Variants in CREB3L2 observed in about 807,000 individuals in gnomAD.
CREB3L2 encodes cyclic AMP-responsive element-binding protein 3-like protein 2.
Under a neutral mutation model 57.2 loss-of-function variants are expected in CREB3L2, and 23 were observed. The observed-to-expected ratio is 0.40, with a 90% confidence interval of 0.29 to 0.57. CREB3L2 has a LOEUF of 0.57. Ranked by LOEUF, CREB3L2 falls within the 20% of genes least tolerant of loss-of-function variation. CREB3L2 has a pLI of 0.42. For synonymous variants in CREB3L2, 268 were observed against 265.1 expected (o/e 1.01, Z -0.11); for missense variants, 628 against 634.7 (o/e 0.99, Z 0.11).
At position 137,915,840 on chromosome 7, in the gene CREB3L2, A is replaced by G; in HGVS notation, c.492T>C (p.Thr164=). The G allele has an allele frequency of 2.5e-6, 4 of 1,613,720 alleles. No homozygotes were observed. Among genetic ancestry groups the G allele is most frequent in the Non-Finnish European group, 3.4e-6 (4 of 1,179,784 alleles). The change falls in exon 3 of 12, where the codon ACT becomes ACC. Residue 164 remains threonine, a synonymous_variant. Coordinates refer to ENST00000330387, the MANE Select transcript of CREB3L2 (RefSeq NM_194071.4). ...EKEEPPLEMN[T]GVDSSCQTII... ...AACAGACGAAAATTGAGCATACCCC[A>G]GTGTTCATTTCCAGAGGAGGTTCCT...
At chr7:137,963,127 G>A (rs1801353581) in intron 1 of CREB3L2, among the ~76,000 whole-genome samples, 1 of 152,166 alleles carries the variant, frequency 6.6e-6, no homozygotes, top group Non-Finnish European at 1.5e-5. Flanking sequence ...TGCAACGCCT[G>A]GAAAGTCTAG....
intron 1 of CREB3L2, among the ~76,000 whole-genome samples, chr7:137,987,517 A>T (rs1585678868): frequency 6.6e-6 from 1 of 152,368 alleles, no homozygotes; most frequent in East Asian, 1.9e-4. Context: ...TTAAGTTTAA[A>T]TCAAAAGCTG....
rs139819092 is a variant in CREB3L2 at position 137,979,728 on chromosome 7, A to AAACAAC, written c.102+21870_102+21875dup. On this transcript the variant is annotated intron_variant, in intron 1 of 11. Transcript: ENST00000330387. Reference sequence around the variant, plus strand: ...GCAACAGATCGAGACTCCGTCTCAAAAACAACAACAACAACAACAACAACA... The same window carrying AAACAAC: ...GCAACAGATCGAGACTCCGTCTCAAAAACAACAACAACAACAACAACAACAACAACA... Among the ~76,000 whole-genome samples, 14 of 150,492 alleles carry AAACAAC rather than the reference A, an allele frequency of 9.3e-5. 1 individual carries two copies. The highest frequency in any genetic ancestry group is 6.9e-3 in the Middle Eastern group (2 of 290).
intron 1 of CREB3L2, among the ~76,000 whole-genome samples, chr7:137,958,618 T>A (rs1801262741): frequency 6.6e-6 from 1 of 152,268 alleles, no homozygotes; most frequent in Non-Finnish European, 1.5e-5. Context: ...AGGAACTCAC[T>A]TATCTGCTTG....
intron 8 of CREB3L2, among the ~76,000 whole-genome samples, chr7:137,896,958 T>C (rs1799639311): frequency 6.6e-6 from 1 of 152,208 alleles, no homozygotes; most frequent in Non-Finnish European, 1.5e-5. Context: ...CACTGGGCAC[T>C]GGAAGTGGGA....
chr7:137,940,403 G>C lies in CREB3L2; in HGVS notation c.103-12037C>G, dbSNP rs184736610. On this transcript the variant is annotated intron_variant, in intron 1 of 11. Coordinates refer to ENST00000330387, the MANE Select transcript of CREB3L2 (RefSeq NM_194071.4). ...TGCCATTCATTCCAGAAAAATTTTGGATTACAGCAGGCTCCAAATCACAGA... is the reference window on the plus strand; with the variant it reads ...TGCCATTCATTCCAGAAAAATTTTGCATTACAGCAGGCTCCAAATCACAGA... Among the ~76,000 whole-genome samples, 709 of 152,264 alleles carry C rather than the reference G, an allele frequency of 4.7e-3. 3 individuals are homozygous for C. The highest frequency in any genetic ancestry group is 0.012 in the South Asian group (60 of 4,820).
At chr7:137,982,195 A>G (rs1222884005) in intron 1 of CREB3L2, among the ~76,000 whole-genome samples, 1 of 152,226 alleles carries the variant, frequency 6.6e-6, no homozygotes, top group Non-Finnish European at 1.5e-5. Flanking sequence ...TGCACTGCAC[A>G]TACAATGCCC....
chr7:137,944,345 A>G (rs559325895), intron 1 of CREB3L2, among the ~76,000 whole-genome samples: 18 of 152,326 alleles, frequency 1.2e-4, no homozygotes, highest in African/African-American at 4.3e-4. Flanking sequence ...AATTGTGCCA[A>G]TGCTAATATT....
intron 8 of CREB3L2, among the ~76,000 whole-genome samples, chr7:137,896,299 T>C (rs1318839998): frequency 2.6e-5 from 4 of 152,208 alleles, no homozygotes; most frequent in Non-Finnish European, 5.9e-5. Flanking sequence ...TAAAAGCTAC[T>C]GGTTTTGTTT....
intron 2 of CREB3L2, among the ~76,000 whole-genome samples, chr7:137,919,333 G>A (rs2117224909): frequency 6.6e-6 from 1 of 152,138 alleles, no homozygotes; most frequent in African/African-American, 2.4e-5. Flanking sequence ...CACCAAACCT[G>A]GCTAAGTTTT....
At chr7:137,922,710 C>T in intron 2 of CREB3L2, 1 of 435,452 alleles carries the variant, frequency 2.3e-6, no homozygotes, top group South Asian at 1.6e-5. Flanking sequence ...TCATAGGATG[C>T]AAAACCCAAG....
intron 1 of CREB3L2, among the ~76,000 whole-genome samples, chr7:137,967,874 C>G (rs975322573): frequency 6.6e-6 from 1 of 152,214 alleles, no homozygotes; most frequent in African/African-American, 2.4e-5. Flanking sequence ...CCTGGGACAC[C>G]ATGTAAATAC....
chr7:137,931,439 G>A (rs1800632826), intron 1 of CREB3L2, among the ~76,000 whole-genome samples: 1 of 149,246 alleles, frequency 6.7e-6, no homozygotes, highest in South Asian at 2.1e-4. Context: ...GCAGAATGGG[G>A]TGAACCCAGG....
At chr7:137,944,890 T>G (rs1465591057) in intron 1 of CREB3L2, among the ~76,000 whole-genome samples, 1 of 147,920 alleles carries the variant, frequency 6.8e-6, no homozygotes, top group South Asian at 2.1e-4. Context: ...TTTATTTTAT[T>G]TTTTATTTTT....
At chr7:137,975,949 C>T (rs1801600330) in intron 1 of CREB3L2, among the ~76,000 whole-genome samples, 1 of 152,230 alleles carries the variant, frequency 6.6e-6, no homozygotes, top group Non-Finnish European at 1.5e-5. Flanking sequence ...GGGAAAGACA[C>T]TGAGTGGGAG....
intron 1 of CREB3L2, among the ~76,000 whole-genome samples, chr7:137,978,173 G>C: frequency 6.6e-6 from 1 of 152,048 alleles, no homozygotes; most frequent in East Asian, 1.9e-4. Context: ...GGAGCACAAG[G>C]AGCCCAAAAA....
intron 6 of CREB3L2, 144 bp downstream of exon 6, chr7:137,905,558 C>T: frequency 2.3e-6 from 2 of 881,922 alleles, no homozygotes; most frequent in Non-Finnish European, 3.7e-6. Flanking sequence ...GGGTGCTCCT[C>T]CCAGGGCTTA....
At chr7:137,908,021 G>C (rs1321899774) in intron 5 of CREB3L2, among the ~76,000 whole-genome samples, 1 of 152,214 alleles carries the variant, frequency 6.6e-6, no homozygotes, top group South Asian at 2.1e-4. Context: ...ATAAAAACTG[G>C]AAGTGTGCAT....
intron 1 of CREB3L2, among the ~76,000 whole-genome samples, chr7:137,959,665 C>T (rs1477800843): frequency 1.3e-5 from 2 of 152,214 alleles, no homozygotes; most frequent in Non-Finnish European, 2.9e-5. Flanking sequence ...AGACATTCAA[C>T]TCTGTGAAGA....
Sources: allele counts gnomAD v4.1 joint callset (sites outside exome capture counted in the v4.1 genomes callset), GRCh38; gene constraint gnomAD v4.1.1; transcripts MANE v1.5; gene names NCBI Gene and HGNC (gene_info 2026-07-23, HGNC 2026-07-21).